NRG1: variants seen among roughly 807,000 people sequenced by gnomAD.
The protein encoded by NRG1 is pro-neuregulin-1, membrane-bound isoform.
In NRG1, 18 loss-of-function variants were observed where a neutral mutation model predicts 63.8. That is an observed-to-expected ratio of 0.28 (90% CI 0.19 to 0.42). The LOEUF (loss-of-function observed/expected upper bound fraction) is 0.42, where lower values mean the gene tolerates loss of function less well. NRG1 is among the 10% of genes least tolerant of loss of function. The pLI, the probability that NRG1 is intolerant of heterozygous loss-of-function variation, is 1.00. For synonymous variants in NRG1, 302 were observed against 301.3 expected, an observed-to-expected ratio of 1.00 and a Z score of -0.02; for missense variants, 762 against 814.7, an observed-to-expected ratio of 0.94 and a Z score of 0.79.
chr8:31,721,219 A>G (rs983995110), intron 1 of NRG1, among the ~76,000 whole-genome samples: 10 of 152,170 alleles, frequency 6.6e-5, no homozygotes, highest in African/African-American at 1.4e-4. Flanking sequence ...TTATATGGGA[A>G]TAAAAAAATC....
chr8:31,875,974 G>A lies in NRG1; in HGVS notation c.37+236543G>A, dbSNP rs142236134. 1.5e-4 allele frequency among the ~76,000 whole-genome samples: 23 copies of A among 152,178 alleles called. 1 individual carries two copies. The highest frequency in any genetic ancestry group is 5.5e-4 in the African/African-American group (23 of 41,524). ...ATCTGTCTCCTACTCATGATAGCAG[G>A]GGGCAGATTCAGATCTGCAGGAGGT... On this transcript the variant is annotated intron_variant, in intron 1 of 10. Transcript: ENST00000519301.
At chr8:32,514,715 C>A (rs1007169417) in intron 1 of NRG1, among the ~76,000 whole-genome samples, 9 of 152,184 alleles carry the variant, frequency 5.9e-5, no homozygotes, top group Admixed American at 5.9e-4. Flanking sequence ...ACTGCTGAAG[C>A]TTTGATTAGG....
chr8:32,666,548 AAC>A (rs1310396344), intron 5 of NRG1, among the ~76,000 whole-genome samples: 97 of 152,300 alleles, frequency 6.4e-4, no homozygotes, highest in African/African-American at 2.2e-3. Context: ...TTTTGTCTGG[AAC>A]TGATTTCATG....
chr8:32,144,464 C>T (rs1585628718), intron 1 of NRG1, among the ~76,000 whole-genome samples: 1 of 152,012 alleles, frequency 6.6e-6, no homozygotes, highest in African/African-American at 2.4e-5. Context: ...CTTGTTTCAT[C>T]GTCTAGAATG....
rs71879821 is a variant in NRG1 at position 32,743,573 on chromosome 8, C to CATATATATATATATATATATATAT, written c.691+863_691+864insTATATATATATATATATATATATA. On this transcript the variant is annotated intron_variant, in intron 7 of 11. Coordinates refer to ENST00000356819, the Ensembl canonical transcript of NRG1. ...TATATATATAAAACTTAAGGCAAAA[C>CATATATATATATATATATATATAT]ATATATATATATATATATATATAAA... Among the ~76,000 whole-genome samples, 371 of 113,634 alleles carry CATATATATATATATATATATATAT rather than the reference C, an allele frequency of 3.3e-3. 5 individuals carry two copies. The highest frequency in any genetic ancestry group is 0.025 in the East Asian group (84 of 3,306). 74.5% of individuals were successfully genotyped at this position (113,634 alleles called of 152,430 possible). A position where few individuals can be genotyped will look rare whatever the true frequency, so the allele number is the denominator to read the frequency against.
chr8:31,652,127 T>G lies in NRG1; in HGVS notation c.37+12696T>G, dbSNP rs191292154. Among the ~76,000 whole-genome samples the G allele has an allele frequency of 3.4e-4, 52 of 152,322 alleles. 1 individual carries two copies. The highest frequency in any genetic ancestry group is 3.4e-3 in the Admixed American group (52 of 15,302). On this transcript the variant is annotated intron_variant, in intron 1 of 10. Coordinates refer to the NRG1 transcript ENST00000519301. Reference sequence around the variant, plus strand: ...GGTGCCAGAGTAGTAGGCGCTGAGATAAATTCAGTTAACCCCTCACCATAT... The same window carrying G: ...GGTGCCAGAGTAGTAGGCGCTGAGAGAAATTCAGTTAACCCCTCACCATAT...
At chr8:32,139,686 C>T (rs967638557) in intron 1 of NRG1, among the ~76,000 whole-genome samples, 1 of 152,078 alleles carries the variant, frequency 6.6e-6, no homozygotes, top group African/African-American at 2.4e-5. Context: ...GATGGATGCA[C>T]TAAAGTCTCA....
rs541849797 is a variant in NRG1 at position 32,008,239 on chromosome 8, G to A, written c.37+368808G>A. Among the ~76,000 whole-genome samples, 43 of 151,936 alleles carry A rather than the reference G, an allele frequency of 2.8e-4. 1 individual carries two copies. The highest frequency in any genetic ancestry group is 1.0e-3 in the African/African-American group (43 of 41,490). ...TTAGAGTACGCTTTCCCAGAGTGTCGATTGCATGACTTTATTGAAGCTAGT... is the reference window on the plus strand; with the variant it reads ...TTAGAGTACGCTTTCCCAGAGTGTCAATTGCATGACTTTATTGAAGCTAGT... On this transcript the variant is annotated intron_variant, in intron 1 of 10. Coordinates refer to the NRG1 transcript ENST00000519301.
chr8:32,593,504 G>A lies in NRG1; in HGVS notation c.101-2324G>A, dbSNP rs184641861. On this transcript the variant is annotated intron_variant, in intron 1 of 11. Coordinates refer to ENST00000356819, the Ensembl canonical transcript of NRG1. ...CTCTGTCTCTATGAAAAATACAACA[G>A]TTAGCCAGGGGTGGTATCATGCACT... Among the ~76,000 whole-genome samples the A allele has an allele frequency of 6.0e-4, 78 of 129,866 alleles. 1 individual carries two copies. Among genetic ancestry groups the A allele is most frequent in the African/African-American group, 1.9e-3 (75 of 39,492 alleles). 85.2% of individuals were successfully genotyped at this position (129,866 alleles called of 152,430 possible). A position where few individuals can be genotyped will look rare whatever the true frequency, so the allele number is the denominator to read the frequency against.
At chr8:32,540,096 G>A (rs1228266814) in intron 1 of NRG1, among the ~76,000 whole-genome samples, 1 of 151,796 alleles carries the variant, frequency 6.6e-6, no homozygotes, top group African/African-American at 2.4e-5. Flanking sequence ...TGTTGTTGTT[G>A]TTATGGTTTC....
chr8:32,111,883 A>G (rs1832076245), intron 1 of NRG1, among the ~76,000 whole-genome samples: 1 of 152,066 alleles, frequency 6.6e-6, no homozygotes, highest in African/African-American at 2.4e-5. Context: ...TTGGTGTTGA[A>G]TTGATCTTCG....
intron 1 of NRG1, among the ~76,000 whole-genome samples, chr8:32,388,478 A>G (rs2129483798): frequency 6.6e-6 from 1 of 152,312 alleles, no homozygotes; most frequent in Middle Eastern, 3.4e-3. Flanking sequence ...GAATTAATGA[A>G]TGTATCCACA....
intron 1 of NRG1, among the ~76,000 whole-genome samples, chr8:32,153,089 AT>A (rs34489276): frequency 0.51 from 77,728 of 152,052 alleles, 20,814 homozygotes; most frequent in Admixed American, 0.61. Flanking sequence ...TTCTAAAAAA[AT>A]TAGCAATTCA....
At chr8:32,444,279 C>T (rs989209900) in intron 1 of NRG1, among the ~76,000 whole-genome samples, 5 of 152,060 alleles carry the variant, frequency 3.3e-5, no homozygotes, top group South Asian at 2.1e-4. Flanking sequence ...CCTCCATGTG[C>T]GGTTAATTGT....
intron 1 of NRG1, among the ~76,000 whole-genome samples, chr8:32,415,923 T>C (rs1317172003): frequency 1.3e-5 from 2 of 152,236 alleles, no homozygotes; most frequent in Non-Finnish European, 2.9e-5. Flanking sequence ...TCTGTGCAGA[T>C]TGCTGTATAC....
intron 1 of NRG1, among the ~76,000 whole-genome samples, chr8:31,917,321 C>T (rs4634597): frequency 6.8e-5 from 10 of 148,140 alleles, no homozygotes; most frequent in African/African-American, 2.5e-4. Flanking sequence ...TTTTCTTCTA[C>T]GGTTTTTATG....
At chr8:32,347,016 A>C (rs1277919238) in intron 1 of NRG1, among the ~76,000 whole-genome samples, 2 of 151,922 alleles carry the variant, frequency 1.3e-5, no homozygotes, top group African/African-American at 2.4e-5. Context: ...TTTTTAGTAG[A>C]GATGGGGTTT....
intron 1 of NRG1, among the ~76,000 whole-genome samples, chr8:31,973,994 C>G (rs756873179): frequency 2.0e-5 from 3 of 152,170 alleles, no homozygotes; most frequent in African/African-American, 7.2e-5. Context: ...CCCTGGCCAT[C>G]TAAGCACATC....
At chr8:31,717,508 A>T (rs1040875812) in intron 1 of NRG1, among the ~76,000 whole-genome samples, 1 of 151,972 alleles carries the variant, frequency 6.6e-6, no homozygotes, top group African/African-American at 2.4e-5. Context: ...ACATGTAGGA[A>T]GGGCACTGAA....
Sources: allele counts gnomAD v4.1 joint callset (sites outside exome capture counted in the v4.1 genomes callset), GRCh38; gene constraint gnomAD v4.1.1; transcripts MANE v1.5; gene names NCBI Gene and HGNC (gene_info 2026-07-23, HGNC 2026-07-21).